Variants in ARHGAP24 observed in about 807,000 individuals in gnomAD.
The protein encoded by ARHGAP24 is Rho GTPase activating protein 24, also known as rho GTPase-activating protein 24.
ARHGAP24 carries 50 observed loss-of-function variants against 76.4 expected under a neutral mutation model. That is an observed-to-expected ratio of 0.65 (90% CI 0.52 to 0.83). ARHGAP24 has a LOEUF of 0.83. Ranked by LOEUF, ARHGAP24 falls within the 40% of genes least tolerant of loss-of-function variation. ARHGAP24 has a pLI of 0.00. For missense variants in ARHGAP24, 930 were observed against 914.2 expected (o/e 1.02, Z -0.22); for synonymous variants, 345 against 323.3 (o/e 1.07, Z -0.72).
chr4:85,704,450 G>C (rs1724221023), intron 2 of ARHGAP24, among the ~76,000 whole-genome samples: 1 of 151,956 alleles, frequency 6.6e-6, no homozygotes, highest in South Asian at 2.1e-4. Flanking sequence ...GATAGTTTTG[G>C]AATGGAGGCC....
chr4:85,776,074 A>G (rs1420692053), intron 3 of ARHGAP24, among the ~76,000 whole-genome samples: 2 of 152,126 alleles, frequency 1.3e-5, no homozygotes, highest in African/African-American at 4.8e-5. Context: ...TCCATGCATG[A>G]AATCTGCCCC....
intron 1 of ARHGAP24, among the ~76,000 whole-genome samples, chr4:85,513,999 C>T (rs1158180711): frequency 6.6e-6 from 1 of 152,078 alleles, no homozygotes; most frequent in Non-Finnish European, 1.5e-5. Flanking sequence ...GGTCTGCATT[C>T]CTGTTTTCTG....
chr4:85,497,429 T>C (rs1469138278), intron 1 of ARHGAP24, among the ~76,000 whole-genome samples: 1 of 152,258 alleles, frequency 6.6e-6, no homozygotes, highest in African/African-American at 2.4e-5. Flanking sequence ...TTGAAATAAT[T>C]ATATAAATGC....
At chr4:85,994,056 A>T (rs959804674) in intron 8 of ARHGAP24, among the ~76,000 whole-genome samples, 2 of 152,176 alleles carry the variant, frequency 1.3e-5, no homozygotes, top group East Asian at 3.8e-4. Flanking sequence ...TTATCTTGAT[A>T]TATTAGAGAA....
At chr4:85,848,930 G>A (rs562621730) in intron 3 of ARHGAP24, among the ~76,000 whole-genome samples, 1 of 152,184 alleles carries the variant, frequency 6.6e-6, no homozygotes, top group African/African-American at 2.4e-5. Context: ...GGAAATGCGG[G>A]CTCTTTTTTG....
At chr4:85,874,966 A>AATATATTTTTATATAATTTATATATAAAT (rs1732783198) in intron 3 of ARHGAP24, among the ~76,000 whole-genome samples, 1 of 119,408 alleles carries the variant, frequency 8.4e-6, no homozygotes, top group Non-Finnish European at 1.6e-5. Flanking sequence ...TTTATATATA[A>AATATATTTTTATATAATTTATATATAAAT]ATATATTTTT....
At chr4:85,869,290 C>A (rs1241460380) in intron 3 of ARHGAP24, among the ~76,000 whole-genome samples, 1 of 152,126 alleles carries the variant, frequency 6.6e-6, no homozygotes, top group African/African-American at 2.4e-5. Flanking sequence ...CTGCTGCGCT[C>A]CAGGAGGAAG....
At chr4:85,919,914 T>G (rs17011210) in intron 3 of ARHGAP24, among the ~76,000 whole-genome samples, 5,323 of 152,270 alleles carry the variant, frequency 0.035, 219 homozygotes, top group East Asian at 0.092. Context: ...TTTTTAGAAC[T>G]GCGCCATGCT....
chr4:85,956,072 G>A (rs184373148), intron 5 of ARHGAP24, among the ~76,000 whole-genome samples: 9 of 152,288 alleles, frequency 5.9e-5, no homozygotes, highest in Admixed American at 5.2e-4. Flanking sequence ...AGTGGAGAAA[G>A]CAAATGGTAG....
At chr4:85,537,028 A>G (rs1560524081) in intron 1 of ARHGAP24, among the ~76,000 whole-genome samples, 3 of 152,136 alleles carry the variant, frequency 2.0e-5, no homozygotes, top group Non-Finnish European at 2.9e-5. Context: ...ATTTTTCTCA[A>G]TTTATTCAAG....
chr4:85,993,264 T>G (rs1578478348), intron 8 of ARHGAP24, among the ~76,000 whole-genome samples: 1 of 152,152 alleles, frequency 6.6e-6, no homozygotes, highest in African/African-American at 2.4e-5. Flanking sequence ...GCTGATGTTA[T>G]CTGGAAGCTG....
chr4:85,608,217 G>A (rs1720267279), intron 2 of ARHGAP24, among the ~76,000 whole-genome samples: 1 of 152,128 alleles, frequency 6.6e-6, no homozygotes, highest in Non-Finnish European at 1.5e-5. Context: ...AATAAAACAG[G>A]GAGAGGAGAC....
chr4:85,553,969 A>G (rs1726249935), intron 1 of ARHGAP24, among the ~76,000 whole-genome samples: 1 of 152,080 alleles, frequency 6.6e-6, no homozygotes, highest in Non-Finnish European at 1.5e-5. Flanking sequence ...TCTTGTCCAT[A>G]TTTAGCACTC....
At chr4:85,806,916 C>T (rs72658234) in intron 3 of ARHGAP24, among the ~76,000 whole-genome samples, 7,576 of 152,116 alleles carry the variant, frequency 0.05, 224 homozygotes, top group Middle Eastern at 0.078. Flanking sequence ...AAAAGACATA[C>T]ATAATACACT....
chr4:86,000,251 G>A (rs903207677), intron 9 of ARHGAP24: 1 of 419,364 alleles, frequency 2.4e-6, no homozygotes, highest in Non-Finnish European at 4.5e-6. Context: ...TTCCAAGAGA[G>A]GCCTTGGGAC....
At chr4:85,646,842 G>C (rs1472483830) in intron 2 of ARHGAP24, among the ~76,000 whole-genome samples, 1 of 152,016 alleles carries the variant, frequency 6.6e-6, no homozygotes, top group African/African-American at 2.4e-5. Context: ...TATGTGGTTT[G>C]ATTTTAATTC....
chr4:85,767,124 T>C (rs762807542), intron 3 of ARHGAP24, among the ~76,000 whole-genome samples: 4 of 152,164 alleles, frequency 2.6e-5, no homozygotes, highest in African/African-American at 4.8e-5. Flanking sequence ...AAATATACTC[T>C]GCAACATTCA....
intron 2 of ARHGAP24, among the ~76,000 whole-genome samples, chr4:85,681,148 G>A (rs1471473749): frequency 6.6e-6 from 1 of 152,162 alleles, no homozygotes; most frequent in Non-Finnish European, 1.5e-5. Flanking sequence ...AACTCATCAA[G>A]TCTTGCTTTC....
intron 2 of ARHGAP24, among the ~76,000 whole-genome samples, chr4:85,699,592 A>C (rs1302883535): frequency 6.6e-6 from 1 of 151,256 alleles, no homozygotes; most frequent in Non-Finnish European, 1.5e-5. Context: ...ACAGAGCAAG[A>C]CCCTGTCTCA....
Sources: allele counts gnomAD v4.1 joint callset (sites outside exome capture counted in the v4.1 genomes callset), GRCh38; gene constraint gnomAD v4.1.1; transcripts MANE v1.5; gene names NCBI Gene and HGNC (gene_info 2026-07-23, HGNC 2026-07-21).